RNGTT: variants seen among roughly 807,000 people sequenced by gnomAD.
The protein encoded by RNGTT is mRNA-capping enzyme.
RNGTT carries 33 observed loss-of-function variants against 79.3 expected under a neutral mutation model. That is an observed-to-expected ratio of 0.42 (90% CI 0.32 to 0.56). The LOEUF is 0.56. Ranked by LOEUF, RNGTT falls within the 20% of genes least tolerant of loss-of-function variation. The pLI, the probability that RNGTT is intolerant of heterozygous loss-of-function variation, is 0.17. For missense variants in RNGTT, 497 were observed against 739.1 expected, an observed-to-expected ratio of 0.67 and a Z score of 3.80; for synonymous variants, 222 against 235.9, an observed-to-expected ratio of 0.94 and a Z score of 0.54.
chr6:88,949,161 A>AAAAAAAAAAAAAAAAAAAAAG (rs1785151033), intron 1 of RNGTT, among the ~76,000 whole-genome samples: 1 of 79,854 alleles, frequency 1.3e-5, no homozygotes. Context: ...AATAAAATGA[A>AAAAAAAAAAAAAAAAAAAAAG]AAAAAAAAAA....
intron 8 of RNGTT, among the ~76,000 whole-genome samples, chr6:88,879,118 C>A (rs1782610350): frequency 6.6e-6 from 1 of 151,964 alleles, no homozygotes; most frequent in African/African-American, 2.4e-5. Context: ...CTTTAGAGAC[C>A]AGGCGCGGTG....
At chr6:88,763,328 A>T (rs1314158503) in intron 13 of RNGTT, among the ~76,000 whole-genome samples, 1 of 152,092 alleles carries the variant, frequency 6.6e-6, no homozygotes, top group African/African-American at 2.4e-5. Flanking sequence ...ATTATGAATA[A>T]TGCTGATAAG....
intron 13 of RNGTT, among the ~76,000 whole-genome samples, chr6:88,744,555 C>T (rs556909581): frequency 4.0e-4 from 61 of 152,188 alleles, no homozygotes; most frequent in Non-Finnish European, 4.7e-4. Flanking sequence ...CCACCGTGCC[C>T]GGCCTGTTCT....
chr6:88,664,356 T>A (rs1369295507), intron 14 of RNGTT, among the ~76,000 whole-genome samples: 1 of 152,138 alleles, frequency 6.6e-6, no homozygotes, highest in African/African-American at 2.4e-5. Flanking sequence ...ATGATTAACA[T>A]GGCCTTAGTT....
intron 13 of RNGTT, among the ~76,000 whole-genome samples, chr6:88,721,054 TA>T (rs1275082948): frequency 6.6e-6 from 1 of 152,130 alleles, no homozygotes; most frequent in African/African-American, 2.4e-5. Flanking sequence ...CCATTCAATA[TA>T]GGCATTTTAT....
chr6:88,613,127 T>C (rs1562148703), intron 15 of RNGTT, among the ~76,000 whole-genome samples: 1 of 152,250 alleles, frequency 6.6e-6, no homozygotes, highest in East Asian at 1.9e-4. Flanking sequence ...GCTATAAGCA[T>C]GTCTTCCCCA....
chr6:88,668,146 T>C (rs1019599599), intron 14 of RNGTT, among the ~76,000 whole-genome samples: 3 of 152,138 alleles, frequency 2.0e-5, no homozygotes, highest in African/African-American at 7.2e-5. Flanking sequence ...CCCCAGGTGA[T>C]CGAGTGTGGA....
chr6:88,804,552 G>C (rs1173782883), intron 11 of RNGTT, among the ~76,000 whole-genome samples: 1 of 152,040 alleles, frequency 6.6e-6, no homozygotes, highest in Non-Finnish European at 1.5e-5. Context: ...TATGAAGGGA[G>C]ATAAAATTCT....
chr6:88,657,583 C>T (rs1238576223), intron 14 of RNGTT, among the ~76,000 whole-genome samples: 1 of 152,174 alleles, frequency 6.6e-6, no homozygotes, highest in Non-Finnish European at 1.5e-5. Context: ...ACAGAAACTG[C>T]AGCTGATGGT....
intron 13 of RNGTT, among the ~76,000 whole-genome samples, chr6:88,711,681 T>C (rs1776324430): frequency 1.3e-5 from 2 of 152,176 alleles, no homozygotes. Context: ...CTAAGGAGTT[T>C]AAGAATTTTT....
At chr6:88,706,685 A>C (rs1776139838) in intron 13 of RNGTT, among the ~76,000 whole-genome samples, 1 of 152,156 alleles carries the variant, frequency 6.6e-6, no homozygotes, top group South Asian at 2.1e-4. Context: ...AGCAAATATC[A>C]AGGAAGCTTA....
chr6:88,614,183 A>C, intron 15 of RNGTT, 89 bp downstream of exon 15: 2 of 1,277,726 alleles, frequency 1.6e-6, no homozygotes, highest in Non-Finnish European at 2.2e-6. Context: ...ATGCCCCATT[A>C]AGCAAAACAA....
At chr6:88,925,983 G>A (rs917436217) in intron 4 of RNGTT, among the ~76,000 whole-genome samples, 2 of 152,178 alleles carry the variant, frequency 1.3e-5, no homozygotes, top group Non-Finnish European at 2.9e-5. Flanking sequence ...GTATCTTCAA[G>A]TGGTTCTGAT....
At chr6:88,765,009 G>A (rs1483054030) in intron 13 of RNGTT, among the ~76,000 whole-genome samples, 1 of 151,890 alleles carries the variant, frequency 6.6e-6, no homozygotes, top group African/African-American at 2.4e-5. Flanking sequence ...TGGCTAACAC[G>A]GTGAAACCCC....
intron 13 of RNGTT, among the ~76,000 whole-genome samples, chr6:88,738,868 A>ACACC (rs1554211732): frequency 6.6e-6 from 1 of 151,036 alleles, no homozygotes; most frequent in Non-Finnish European, 1.5e-5. Flanking sequence ...ACACACACAC[A>ACACC]CCCCTTCCAA....
rs190265667 is a variant in RNGTT, at chr6:88,730,683, C to T, written c.1439+39091G>A. Among the ~76,000 whole-genome samples the T allele has an allele frequency of 2.1e-3, 323 of 152,338 alleles. 1 individual carries two copies. The highest frequency in any genetic ancestry group is 4.3e-3 in the South Asian group (21 of 4,830). ...GTTCCTAACAGGCCATGGACTGGTACGGGTCTGTGGCCTGGGAGTTGGGGA... is the reference window on the plus strand; with the variant it reads ...GTTCCTAACAGGCCATGGACTGGTATGGGTCTGTGGCCTGGGAGTTGGGGA... On this transcript the variant is annotated intron_variant, in intron 13 of 15. Transcript: ENST00000369485.
At chr6:88,888,112 T>G (rs1045907389) in intron 8 of RNGTT, among the ~76,000 whole-genome samples, 6 of 151,660 alleles carry the variant, frequency 4.0e-5, no homozygotes, top group African/African-American at 1.2e-4. Flanking sequence ...GTGAGGACCC[T>G]GTCTCAAAAA....
rs570018334 is a variant in RNGTT at position 88,736,792 on chromosome 6, G to A, written c.1439+32982C>T. On this transcript the variant is annotated intron_variant, in intron 13 of 15. Coordinates refer to ENST00000369485, the MANE Select transcript of RNGTT (RefSeq NM_003800.5). ...GTAAAGGACTGAATGAAGGAAGGCAGACTTCATGGATTCTACAAGATGGAA... is the reference window on the plus strand; with the variant it reads ...GTAAAGGACTGAATGAAGGAAGGCAAACTTCATGGATTCTACAAGATGGAA... 3.3e-5 allele frequency among the ~76,000 whole-genome samples: 5 copies of A among 152,348 alleles called. No homozygotes were observed. In the East Asian group the frequency reaches 9.6e-4, roughly 29 times the overall value.
At chr6:88,726,073 G>C (rs892395100) in intron 13 of RNGTT, among the ~76,000 whole-genome samples, 13 of 152,080 alleles carry the variant, frequency 8.5e-5, no homozygotes, top group African/African-American at 2.7e-4. Flanking sequence ...AAAGAGAAAA[G>C]AGTGTATCCT....
Sources: gnomAD v4.1 joint callset for allele counts (sites outside exome capture counted in the v4.1 genomes callset) on GRCh38, gnomAD v4.1.1 for gene constraint, MANE v1.5 for transcripts, NCBI Gene and HGNC (gene_info 2026-07-23, HGNC 2026-07-21) for gene names.